The following COMMD10 variants were observed in gnomAD, a reference collection of about 807,000 sequenced individuals.
COMMD10 encodes COMM domain containing 10, also known as COMM domain-containing protein 10.
A neutral mutation model predicts 28.9 loss-of-function variants in COMMD10; 33 were observed. The ratio of observed to expected loss-of-function variants is 1.14; its 90% CI spans 0.87 to 1.53. The LOEUF (loss-of-function observed/expected upper bound fraction) is 1.53. COMMD10 is among the 40% of genes most tolerant of loss of function. The pLI is 0.00. For synonymous variants in COMMD10, 110 were observed against 81.7 expected (o/e 1.35, Z -1.87); for missense variants, 310 against 233.4 (o/e 1.33, Z -2.14).
chr5:116,219,771 A>G (rs1428309641), intron 5 of COMMD10, among the ~76,000 whole-genome samples: 1 of 152,180 alleles, frequency 6.6e-6, no homozygotes, highest in Non-Finnish European at 1.5e-5. Context: ...GAAAATACCA[A>G]ATACTTTTCT....
At chr5:116,106,338 G>A (rs1323208031) in intron 4 of COMMD10, among the ~76,000 whole-genome samples, 1 of 152,136 alleles carries the variant, frequency 6.6e-6, no homozygotes, top group Non-Finnish European at 1.5e-5. Flanking sequence ...TTGCAGTGTG[G>A]TCCGACAGAG....
At chr5:116,265,065 A>G (rs181458365) in intron 5 of COMMD10, among the ~76,000 whole-genome samples, 31 of 151,918 alleles carry the variant, frequency 2.0e-4, no homozygotes, top group South Asian at 8.3e-4. Context: ...GCCTCATTCT[A>G]TTACAGACAT....
rs888128715 is a variant in COMMD10 at position 116,279,145 on chromosome 5, G to A, written c.511-12372G>A. Among the ~76,000 whole-genome samples, 18 of 151,658 alleles carry A rather than the reference G, an allele frequency of 1.2e-4. 1 individual carries two copies. Among genetic ancestry groups the A allele is most frequent in the African/African-American group, 3.9e-4 (16 of 41,074 alleles). Reference sequence around the variant, plus strand: ...AAGAGACAACATGAAAAAAGACCCAGAGAGAAGTATGTAAAACCCTACTGG... The same window carrying A: ...AAGAGACAACATGAAAAAAGACCCAAAGAGAAGTATGTAAAACCCTACTGG... On this transcript the variant is annotated intron_variant, in intron 5 of 6. Transcript: ENST00000274458.
intron 5 of COMMD10, among the ~76,000 whole-genome samples, chr5:116,147,220 T>C (rs148651201): frequency 1.3e-5 from 2 of 152,004 alleles, no homozygotes; most frequent in African/African-American, 4.8e-5. Flanking sequence ...TTTTAGTTAC[T>C]TTATCATATG....
intron 5 of COMMD10, among the ~76,000 whole-genome samples, chr5:116,202,028 C>A (rs1216032094): frequency 2.0e-5 from 3 of 146,740 alleles, no homozygotes; most frequent in African/African-American, 7.6e-5. Flanking sequence ...CTAATGCTAT[C>A]TCTCCCCCTC....
chr5:116,188,429 C>A (rs1748216837), intron 5 of COMMD10: 1 of 145,954 alleles, frequency 6.9e-6, no homozygotes, highest in Admixed American at 6.7e-5. Context: ...TCTTGTGTTT[C>A]TTTTTAATAG....
intron 4 of COMMD10, among the ~76,000 whole-genome samples, chr5:116,100,483 A>T (rs1750623448): frequency 6.9e-6 from 1 of 144,968 alleles, no homozygotes; most frequent in South Asian, 2.2e-4. Context: ...TTTTTAGTTA[A>T]TTTTTGTGCA....
intron 5 of COMMD10, among the ~76,000 whole-genome samples, chr5:116,280,843 TA>T (rs1198055629): frequency 6.6e-6 from 1 of 151,902 alleles, no homozygotes; most frequent in African/African-American, 2.4e-5. Context: ...TAGACATATT[TA>T]ATAAATGGTG....
intron 4 of COMMD10, among the ~76,000 whole-genome samples, chr5:116,104,306 G>T (rs1035416078): frequency 2.6e-5 from 4 of 152,074 alleles, no homozygotes; most frequent in African/African-American, 7.3e-5. Context: ...ATTTGTTTGT[G>T]TCCTCTCTTA....
intron 5 of COMMD10, among the ~76,000 whole-genome samples, chr5:116,153,262 T>G (rs1356962132): frequency 6.6e-6 from 1 of 150,716 alleles, no homozygotes; most frequent in Non-Finnish European, 1.5e-5. Context: ...ATATAAGCCT[T>G]TCCCATGAGG....
chr5:116,133,737 C>G (rs1751934297), intron 4 of COMMD10, among the ~76,000 whole-genome samples: 1 of 152,076 alleles, frequency 6.6e-6, no homozygotes, highest in Admixed American at 6.6e-5. Context: ...TTAAAAAATA[C>G]TATTTTAAAA....
intron 5 of COMMD10, among the ~76,000 whole-genome samples, chr5:116,167,014 GA>G (rs1424840652): frequency 5.3e-5 from 8 of 152,104 alleles, no homozygotes; most frequent in Non-Finnish European, 1.0e-4. Flanking sequence ...CGAATTGACA[GA>G]AGTGGGCTTC....
intron 5 of COMMD10, among the ~76,000 whole-genome samples, chr5:116,157,251 G>A (rs1397500817): frequency 1.3e-5 from 2 of 151,986 alleles, no homozygotes; most frequent in Non-Finnish European, 2.9e-5. Context: ...ATTGTGGCAG[G>A]ACCTTACCTT....
At chr5:116,198,167 C>G (rs1171439681) in intron 5 of COMMD10, among the ~76,000 whole-genome samples, 1 of 152,122 alleles carries the variant, frequency 6.6e-6, no homozygotes, top group Non-Finnish European at 1.5e-5. Context: ...TTAGTTACAG[C>G]TGAAGAGTGA....
Position 116,293,103 on chromosome 5 carries a change from G to A in COMMD10, c.*614G>A, listed in dbSNP as rs1260745958. Reference sequence around the variant, plus strand: ...TGATTTAATAATAGTCCAGGTTTTTGTGTGTTTTTCTTTATACTGCAAATT... The same window carrying A: ...TGATTTAATAATAGTCCAGGTTTTTATGTGTTTTTCTTTATACTGCAAATT... On this transcript the variant is annotated 3_prime_UTR_variant, in exon 7 of 7. Coordinates refer to ENST00000274458, the MANE Select transcript of COMMD10 (RefSeq NM_016144.4). The A allele has an allele frequency of 1.3e-5, 5 of 396,404 alleles. No individual in the cohort carries two copies. Among genetic ancestry groups the A allele is most frequent in the African/African-American group, 1.0e-4 (5 of 48,518 alleles). The allele number at this position is 396,404 out of a possible 1,614,324, so 24.6% of individuals were successfully genotyped here.
intron 5 of COMMD10, among the ~76,000 whole-genome samples, chr5:116,203,531 C>A (rs941482999): frequency 9.2e-5 from 14 of 152,136 alleles, no homozygotes; most frequent in Admixed American, 4.6e-4. Flanking sequence ...ATCAGACTAA[C>A]AGCGGATCTC....
intron 5 of COMMD10, among the ~76,000 whole-genome samples, chr5:116,141,798 TG>T (rs1398808672): frequency 1.3e-5 from 2 of 151,914 alleles, no homozygotes; most frequent in Non-Finnish European, 2.9e-5. Context: ...ATCTGATTTT[TG>T]TATGGTGATT....
chr5:116,127,564 G>A (rs1751702016), intron 4 of COMMD10, among the ~76,000 whole-genome samples: 1 of 152,104 alleles, frequency 6.6e-6, no homozygotes, highest in African/African-American at 2.4e-5. Context: ...AAGAAAATGT[G>A]GCACATATAC....
In COMMD10 at chr5:116,293,064, C is replaced by G. The variant is rs1284886477; in HGVS notation, c.*575C>G. Reference sequence around the variant, plus strand: ...TGAGCTTCTCTGTCAACTTCAGTTTCTCTCTCAGTTTAATGATTTAATAAT... The same window carrying G: ...TGAGCTTCTCTGTCAACTTCAGTTTGTCTCTCAGTTTAATGATTTAATAAT... On this transcript the variant is annotated 3_prime_UTR_variant, in exon 7 of 7. Transcript: ENST00000274458. 2.5e-6 allele frequency: 1 copy of G among 396,934 alleles called. No individual in the cohort carries two copies. Among genetic ancestry groups the G allele is most frequent in the African/African-American group, 2.1e-5 (1 of 48,520 alleles). The allele number at this position is 396,934 out of a possible 1,614,324, so 24.6% of individuals were successfully genotyped here.
Sources: allele counts gnomAD v4.1 joint callset (sites outside exome capture counted in the v4.1 genomes callset), GRCh38; gene constraint gnomAD v4.1.1; transcripts MANE v1.5; gene names NCBI Gene and HGNC (gene_info 2026-07-23, HGNC 2026-07-21).